TRAK2: variants seen among roughly 807,000 people sequenced by gnomAD.
TRAK2 encodes the protein trafficking kinesin protein 2.
TRAK2 carries 81 observed loss-of-function variants against 104.6 expected under a neutral mutation model. That is an observed-to-expected ratio of 0.77 (90% confidence interval 0.65 to 0.93). TRAK2 has a LOEUF of 0.93. Ranked by LOEUF, TRAK2 falls within the 40% of genes least tolerant of loss-of-function variation. TRAK2 has a pLI of 0.00. For missense variants in TRAK2, 1,002 were observed against 1,089.0 expected (o/e 0.92, Z 1.12); for synonymous variants, 406 against 394.4 (o/e 1.03, Z -0.35).
chr2:201,427,700 C>A (rs1951802555), intron 1 of TRAK2, among the ~76,000 whole-genome samples: 1 of 152,172 alleles, frequency 6.6e-6, no homozygotes, highest in South Asian at 2.1e-4. Context: ...AATGGGACGG[C>A]TGGGTCAAAT....
intron 1 of TRAK2, among the ~76,000 whole-genome samples, chr2:201,443,236 A>AACC (rs1216559443): frequency 6.6e-6 from 1 of 152,066 alleles, no homozygotes; most frequent in African/African-American, 2.4e-5. Flanking sequence ...TTTCATCCTA[A>AACC]ACCACCCTCC....
intron 1 of TRAK2, among the ~76,000 whole-genome samples, chr2:201,424,498 T>G (rs949597369): frequency 1.3e-5 from 2 of 152,266 alleles, no homozygotes; most frequent in Admixed American, 1.3e-4. Context: ...GGCCACTAGT[T>G]TATAACTATG....
chr2:201,394,857 C>T lies in TRAK2; in HGVS notation c.916G>A (p.Glu306Lys). The T allele has an allele frequency of 1.2e-6, 2 of 1,613,780 alleles. No homozygotes were observed. Among genetic ancestry groups the T allele is most frequent in the South Asian group, 1.1e-5 (1 of 91,046 alleles). ...GCTTGCAGGTGAAGTTTTAGTTCTTCCTTCTCAATCACATGCTAACAACAT... is the reference window on the plus strand; with the variant it reads ...GCTTGCAGGTGAAGTTTTAGTTCTTTCTTCTCAATCACATGCTAACAACAT... ...HKLKEHVIEK[E>K]ELKLHLQASK... Residue 306 changes from glutamate (E) to lysine (K), a missense_variant, in exon 9 of 16, where the codon GAA becomes AAA. Coordinates refer to ENST00000332624, the MANE Select transcript of TRAK2 (RefSeq NM_015049.3).
At chr2:201,399,789 C>T (rs1198082768) in intron 4 of TRAK2, among the ~76,000 whole-genome samples, 2 of 151,994 alleles carry the variant, frequency 1.3e-5, no homozygotes, top group Non-Finnish European at 2.9e-5. Context: ...AAACTTTAAA[C>T]TTACAATTTT....
At chr2:201,398,619 A>ATATATGTATATATATATG (rs1951522672) in intron 5 of TRAK2, among the ~76,000 whole-genome samples, 1 of 152,112 alleles carries the variant, frequency 6.6e-6, no homozygotes, top group African/African-American at 2.4e-5. Flanking sequence ...CTTATTGTAT[A>ATATATGTATATATATATG]TATATGATAG....
chr2:201,388,057 A>C (rs1235673636), intron 12 of TRAK2, 56 bp from the exon 13 acceptor site: 2 of 1,540,740 alleles, frequency 1.3e-6, no homozygotes, highest in South Asian at 2.2e-5. Context: ...CATGACCCAG[A>C]CCTCTCCTTT....
intron 1 of TRAK2, among the ~76,000 whole-genome samples, chr2:201,435,850 A>C (rs1200022461): frequency 6.6e-6 from 1 of 152,144 alleles, no homozygotes; most frequent in African/African-American, 2.4e-5. Flanking sequence ...GAAGAGAGAG[A>C]GGTCTCATGG....
intron 1 of TRAK2, among the ~76,000 whole-genome samples, chr2:201,448,802 C>T (rs1300901402): frequency 6.6e-6 from 1 of 152,132 alleles, no homozygotes; most frequent in Admixed American, 6.5e-5. Flanking sequence ...TGCAGTGGTG[C>T]CATCATCGCT....
chr2:201,410,123 C>G (rs917109940), intron 2 of TRAK2, among the ~76,000 whole-genome samples: 1 of 152,136 alleles, frequency 6.6e-6, no homozygotes, highest in Admixed American at 6.5e-5. Flanking sequence ...CGGTGAAACC[C>G]TGTCTCTACG....
chr2:201,381,449 A>G (rs1303026338), intron 15 of TRAK2, among the ~76,000 whole-genome samples: 2 of 152,184 alleles, frequency 1.3e-5, no homozygotes, highest in East Asian at 3.8e-4. Context: ...TTATTAAAAG[A>G]TATTTCTTTT....
At chr2:201,444,200 C>CA (rs1362443906) in intron 1 of TRAK2, among the ~76,000 whole-genome samples, 2 of 150,962 alleles carry the variant, frequency 1.3e-5, no homozygotes, top group Admixed American at 1.3e-4. Flanking sequence ...GACTCTGTCT[C>CA]AAAAAAATAA....
chr2:201,417,403 A>G (rs1323851927), intron 2 of TRAK2, among the ~76,000 whole-genome samples: 3 of 152,104 alleles, frequency 2.0e-5, no homozygotes, highest in East Asian at 1.9e-4. Flanking sequence ...ATAATATATC[A>G]TAACCAAGTA....
intron 2 of TRAK2, among the ~76,000 whole-genome samples, chr2:201,408,487 C>T (rs1161717300): frequency 2.6e-5 from 4 of 152,048 alleles, no homozygotes; most frequent in African/African-American, 9.7e-5. Context: ...CCATGCTCAT[C>T]CCTCACATAT....
intron 3 of TRAK2, among the ~76,000 whole-genome samples, chr2:201,406,379 A>G (rs1339650670): frequency 3.3e-5 from 5 of 152,214 alleles, no homozygotes. Context: ...GCATTAAAAC[A>G]CCACAACACT....
In TRAK2 at chr2:201,380,606, C is replaced by T. The variant is rs773508335; in HGVS notation, c.2682G>A (p.Met894Ile). 7 of 1,613,824 alleles carry T rather than the reference C, an allele frequency of 4.3e-6. No homozygotes were observed. The highest frequency in any genetic ancestry group is 5.1e-6 in the Non-Finnish European group (6 of 1,179,976). The change falls in exon 16 of 16, where the codon ATG becomes ATA. Residue 894 changes from methionine to isoleucine, a missense_variant. Coordinates refer to ENST00000332624, the MANE Select transcript of TRAK2 (RefSeq NM_015049.3). ...TGCAAACTGGGGCAGCAAAGCTACC[C>T]ATTATGACTGGAAGACTCTGATTCC... ...LRRNQSLPVI[M>I]GSFAAPVCTS...
At position 201,381,232 on chromosome 2, in the gene TRAK2, A is replaced by ATG. The variant is rs1559435522; in HGVS notation, c.2070-15_2070-14insCA. 2 of 1,562,788 alleles carry ATG rather than the reference A, an allele frequency of 1.3e-6. No individual in the cohort carries two copies. Among genetic ancestry groups the ATG allele is most frequent in the South Asian group, 1.2e-5 (1 of 84,466 alleles). ...GGGAACCCAGAGCTTAAAAAAAAAA[A>ATG]AAAAAAGTGGGAGACAGTGTTTAAG... is the stretch of plus-strand genomic sequence containing the variant. On this transcript the variant is annotated splice_polypyrimidine_tract_variant and intron_variant, in intron 15 of 15. Transcript: ENST00000332624.
Position 201,379,624 on chromosome 2 carries a change from T to C in TRAK2, c.*919A>G, listed in dbSNP as rs1951319735. On this transcript the variant is annotated 3_prime_UTR_variant, in exon 16 of 16. Coordinates refer to ENST00000332624, the MANE Select transcript of TRAK2 (RefSeq NM_015049.3). The stretch of plus-strand genomic sequence containing the variant: ...TATATAAATATACAACATTCCCTAA[T>C]TCCTATTGATTGCACTTCTGGCTTA... 6.6e-6 allele frequency: 1 copy of C among 152,600 alleles called. No individual in the cohort carries two copies. The highest frequency in any genetic ancestry group is 1.9e-4 in the East Asian group (1 of 5,202). The allele number at this position is 152,600 out of a possible 1,614,324, so 9.5% of individuals were successfully genotyped here.
intron 3 of TRAK2, among the ~76,000 whole-genome samples, chr2:201,403,675 G>A (rs1207026864): frequency 8.6e-5 from 13 of 151,228 alleles, no homozygotes; most frequent in Admixed American, 8.6e-4. Flanking sequence ...TCTGGGTAAG[G>A]ACTATGGCTG....
chr2:201,426,480 G>A (rs1375892421), intron 1 of TRAK2, among the ~76,000 whole-genome samples: 2 of 152,162 alleles, frequency 1.3e-5, no homozygotes, highest in Non-Finnish European at 2.9e-5. Flanking sequence ...TAAATGTAAA[G>A]CGCTTGAATC....
Sources: allele counts gnomAD v4.1 joint callset (sites outside exome capture counted in the v4.1 genomes callset), GRCh38; gene constraint gnomAD v4.1.1; transcripts MANE v1.5; gene names NCBI Gene and HGNC (gene_info 2026-07-23, HGNC 2026-07-21).